NPAS2: variants seen among roughly 807,000 people sequenced by gnomAD.
NPAS2 encodes neuronal PAS domain protein 2.
Under a neutral mutation model 107.5 loss-of-function variants are expected in NPAS2, and 23 were observed. The ratio of observed to expected loss-of-function variants is 0.21; its 90% CI spans 0.15 to 0.30. The LOEUF is 0.30. Among genes scored for constraint, NPAS2 ranks in the 10% least tolerant of loss-of-function variants. The pLI is 1.00. For synonymous variants in NPAS2, 403 were observed against 417.5 expected (o/e 0.97, Z 0.42); for missense variants, 756 against 1,043.3 (o/e 0.72, Z 3.79).
chr2:100,942,718 T>C (rs534917633), intron 5 of NPAS2, among the ~76,000 whole-genome samples: 43 of 152,198 alleles, frequency 2.8e-4, no homozygotes, highest in African/African-American at 9.4e-4. Flanking sequence ...GAGGCAACCA[T>C]TTTCCTGACT....
chr2:100,819,037 C>T (rs1209223617), upstream of NPAS2, among the ~76,000 whole-genome samples: 2 of 152,162 alleles, frequency 1.3e-5, no homozygotes, highest in Non-Finnish European at 2.9e-5. This position sits in a 1 kb window ranked among gnomAD's most constrained non-coding sequence, Gnocchi z 5.8. Context: ...TGTACCTCTG[C>T]CTCCCTCCGC....
Position 100,971,410 on chromosome 2 carries a change from C to A in NPAS2, c.1140+336C>A, listed in dbSNP as rs151248723. 2.3e-3 allele frequency among the ~76,000 whole-genome samples: 353 copies of A among 152,206 alleles called. 1 individual carries two copies. The highest frequency in any genetic ancestry group is 8.4e-3 in the African/African-American group (347 of 41,530). The stretch of plus-strand genomic sequence containing the variant: ...TACAAGCATGTCTCCAGTGAGTCCA[C>A]TCGGCATCTCCTCCACAGATAAGAC... On this transcript the variant is annotated intron_variant, in intron 12 of 20. Transcript: ENST00000335681.
chr2:100,852,925 T>C (rs1430217563), intron 1 of NPAS2, among the ~76,000 whole-genome samples: 3 of 152,212 alleles, frequency 2.0e-5, no homozygotes, highest in Non-Finnish European at 2.9e-5. Flanking sequence ...TGGCTTGATA[T>C]GAATTTCACT....
intron 4 of NPAS2, among the ~76,000 whole-genome samples, chr2:100,937,184 C>T (rs1002712196): frequency 5.9e-5 from 9 of 152,144 alleles, no homozygotes; most frequent in African/African-American, 1.9e-4. Flanking sequence ...CCCCCACACC[C>T]ACCCAGCCCT....
At chr2:100,912,241 TTTATTTATTTATTTA>T (rs752356950) in intron 2 of NPAS2, among the ~76,000 whole-genome samples, 41 of 109,078 alleles carry the variant, frequency 3.8e-4, no homozygotes, top group South Asian at 1.1e-3. Flanking sequence ...TATTTATTTA[TTTATTTATTTATTTA>T]TTATTATTAT....
chr2:100,832,339 G>T (rs1676794484), intron 1 of NPAS2, among the ~76,000 whole-genome samples: 1 of 152,116 alleles, frequency 6.6e-6, no homozygotes, highest in South Asian at 2.1e-4. Flanking sequence ...CCTGATTTCT[G>T]TAGAGACCTG....
At chr2:100,914,462 G>T (rs751396438) in intron 2 of NPAS2, among the ~76,000 whole-genome samples, 52 of 152,160 alleles carry the variant, frequency 3.4e-4, no homozygotes, top group Non-Finnish European at 6.5e-4. Flanking sequence ...TGCAATGGCG[G>T]ATTCCTTTTG....
At chr2:100,867,320 G>C (rs1679317629) in intron 1 of NPAS2, among the ~76,000 whole-genome samples, 1 of 152,252 alleles carries the variant, frequency 6.6e-6, no homozygotes, top group East Asian at 1.9e-4. Context: ...TTGAGGTATG[G>C]TGCTTTTTGC....
chr2:100,988,762 C>G, intron 17 of NPAS2: 1 of 268,918 alleles, frequency 3.7e-6, no homozygotes, highest in Non-Finnish European at 7.0e-6. Context: ...GCCCCCACTG[C>G]TCCTCCAGGT....
chr2:100,934,675 T>C (rs1684187673), intron 4 of NPAS2, among the ~76,000 whole-genome samples: 1 of 152,184 alleles, frequency 6.6e-6, no homozygotes, highest in Admixed American at 6.5e-5. Context: ...AACCTGTTGC[T>C]CTTCAGTAGA....
At chr2:100,841,117 A>G (rs1398831149) in intron 1 of NPAS2, among the ~76,000 whole-genome samples, 2 of 152,202 alleles carry the variant, frequency 1.3e-5, no homozygotes, top group Non-Finnish European at 2.9e-5. Context: ...ATAGTGAGCA[A>G]ACAGTGCCTA....
At chr2:100,824,425 C>A (rs1676251936) in intron 1 of NPAS2, among the ~76,000 whole-genome samples, 1 of 152,202 alleles carries the variant, frequency 6.6e-6, no homozygotes, top group African/African-American at 2.4e-5. Context: ...TTGATCAAGA[C>A]TGCTAGTGGC....
chr2:100,875,401 T>G (rs1472117982), intron 1 of NPAS2, among the ~76,000 whole-genome samples: 1 of 152,006 alleles, frequency 6.6e-6, no homozygotes, highest in Non-Finnish European at 1.5e-5. Context: ...AATGGTAAAT[T>G]TTTAATTATA....
intron 1 of NPAS2, among the ~76,000 whole-genome samples, chr2:100,852,654 C>A (rs903735601): frequency 6.6e-6 from 1 of 152,110 alleles, no homozygotes; most frequent in Non-Finnish European, 1.5e-5. Context: ...TGGAGCACTG[C>A]AGGAAGGGAT....
chr2:100,994,998 A>T (rs1678362216), intron 20 of NPAS2: 1 of 182,082 alleles, frequency 5.5e-6, no homozygotes, highest in African/African-American at 2.3e-5. Context: ...CAGCAGTGAA[A>T]AGTGTACAAA....
At chr2:100,926,876 G>T (rs1464819645) in intron 3 of NPAS2, among the ~76,000 whole-genome samples, 1 of 151,420 alleles carries the variant, frequency 6.6e-6, no homozygotes, top group Admixed American at 6.6e-5. Flanking sequence ...CCTAATCTAA[G>T]GTAATGAAGA....
rs114203691 is a variant in NPAS2 at position 100,969,965 on chromosome 2, A to C, written c.1056-1025A>C. 5.8e-3 allele frequency among the ~76,000 whole-genome samples: 878 copies of C among 152,332 alleles called. 8 individuals are homozygous for C. Among genetic ancestry groups the C allele is most frequent in the African/African-American group, 0.02 (815 of 41,566 alleles). On this transcript the variant is annotated intron_variant, in intron 11 of 20. Coordinates refer to ENST00000335681, the MANE Select transcript of NPAS2 (RefSeq NM_002518.4). ...AGATGTAGACAGACAGACACTACAC[A>C]CACTCACACCATACATGTATCAGGT...
At chr2:100,857,403 C>T (rs1180371717) in intron 1 of NPAS2, among the ~76,000 whole-genome samples, 1 of 151,876 alleles carries the variant, frequency 6.6e-6, no homozygotes, top group Non-Finnish European at 1.5e-5. Context: ...ATGGCAGGGA[C>T]ATGGAAATAA....
chr2:100,917,369 A>C (rs908722461), intron 2 of NPAS2, among the ~76,000 whole-genome samples: 1 of 152,088 alleles, frequency 6.6e-6, no homozygotes, highest in African/African-American at 2.4e-5. Flanking sequence ...CTCTACTAAA[A>C]ATACAAAAAT....
Sources: gnomAD v4.1 joint callset for allele counts (sites outside exome capture counted in the v4.1 genomes callset) on GRCh38, gnomAD v4.1.1 for gene constraint, Gnocchi (gnomAD v3.1) non-coding constraint, MANE v1.5 for transcripts, NCBI Gene and HGNC (gene_info 2026-07-23, HGNC 2026-07-21) for gene names.